The following OR1J2 variants were observed in gnomAD, a reference collection of about 807,000 sequenced individuals.
The protein encoded by OR1J2 is olfactory receptor 1J2.
For missense variants in OR1J2, 304 were observed against 246.1 expected, an observed-to-expected ratio of 1.24 and a Z score of -1.57; for synonymous variants, 142 against 99.7, an observed-to-expected ratio of 1.42 and a Z score of -2.52.
chr9:122,478,467 A>T, the OR1J2 span, among the ~76,000 whole-genome samples: 1 of 152,186 alleles, frequency 6.6e-6, no homozygotes, highest in African/African-American at 2.4e-5. Flanking sequence ...GCTTGTCTAC[A>T]CAGTGCATGA....
the OR1J2 span, among the ~76,000 whole-genome samples, chr9:122,536,582 G>A: frequency 1.3e-3 from 192 of 152,272 alleles, 1 homozygote; most frequent in African/African-American, 4.4e-3. Flanking sequence ...TAGGCCCCTG[G>A]CTTCCCTTTT....
chr9:122,451,644 C>T, the OR1J2 span, among the ~76,000 whole-genome samples: 1 of 152,174 alleles, frequency 6.6e-6, no homozygotes, highest in Non-Finnish European at 1.5e-5. Context: ...ATTCTGGCAA[C>T]CATTTTCATT....
At chr9:122,578,824 G>A in the OR1J2 span, among the ~76,000 whole-genome samples, 1 of 152,022 alleles carries the variant, frequency 6.6e-6, no homozygotes, top group Admixed American at 6.6e-5. Flanking sequence ...GAGAAGGTGA[G>A]AAATAAAAGA....
At chr9:122,462,779 C>T in the OR1J2 span, among the ~76,000 whole-genome samples, 2,798 of 152,294 alleles carry the variant, frequency 0.018, 37 homozygotes, top group South Asian at 0.03. Flanking sequence ...AGGGTTTCTT[C>T]TGAGAAATCT....
the OR1J2 span, among the ~76,000 whole-genome samples, chr9:122,547,645 G>GTGTGTGTT: frequency 1.3e-5 from 2 of 151,856 alleles, no homozygotes; most frequent in African/African-American, 4.8e-5. Context: ...GTGTGTGTGT[G>GTGTGTGTT]TGTGTGTGTG....
the OR1J2 span, among the ~76,000 whole-genome samples, chr9:122,472,624 A>G: frequency 6.6e-6 from 1 of 152,366 alleles, no homozygotes; most frequent in South Asian, 2.1e-4. Flanking sequence ...AAATGCTTCA[A>G]TATTATAAAG....
the OR1J2 span, among the ~76,000 whole-genome samples, chr9:122,450,317 G>C: frequency 6.6e-6 from 1 of 152,062 alleles, no homozygotes; most frequent in Non-Finnish European, 1.5e-5. Context: ...TGTAGTCCCA[G>C]CTACTAGGGC....
At chr9:122,570,155 T>C in the OR1J2 span, among the ~76,000 whole-genome samples, 1 of 149,716 alleles carries the variant, frequency 6.7e-6, no homozygotes, top group Non-Finnish European at 1.5e-5. Flanking sequence ...TGCATGTGTC[T>C]TTATAGCAGC....
chr9:122,460,482 A>G, the OR1J2 span, among the ~76,000 whole-genome samples: 1 of 152,016 alleles, frequency 6.6e-6, no homozygotes, highest in African/African-American at 2.4e-5. Context: ...GCCTGTTTTT[A>G]TACCAGTACC....
At chr9:122,480,489 T>C in the OR1J2 span, among the ~76,000 whole-genome samples, 7 of 152,284 alleles carry the variant, frequency 4.6e-5, no homozygotes, top group East Asian at 3.9e-4. Flanking sequence ...AAGTGCAGGT[T>C]TGTTACGTAG....
chr9:122,481,465 A>G, the OR1J2 span, among the ~76,000 whole-genome samples: 2 of 152,214 alleles, frequency 1.3e-5, no homozygotes, highest in Non-Finnish European at 2.9e-5. Context: ...CCGGACACAT[A>G]GAGAACTCCT....
the OR1J2 span, chr9:122,567,723 A>G: frequency 6.2e-7 from 1 of 1,614,076 alleles, no homozygotes; most frequent in Admixed American, 1.7e-5. Context: ...GCTTCCATAA[A>G]AGAGCGTCAC....
chr9:122,580,170 G>GA, the OR1J2 span, among the ~76,000 whole-genome samples: 748 of 147,930 alleles, frequency 5.1e-3, 8 homozygotes, highest in African/African-American at 0.017. Flanking sequence ...ATCTGCTGCA[G>GA]AAAAAAAAAA....
chr9:122,505,208 A>G, the OR1J2 span, among the ~76,000 whole-genome samples: 1 of 152,152 alleles, frequency 6.6e-6, no homozygotes, highest in Admixed American at 6.5e-5. Flanking sequence ...TTATAAAGAA[A>G]AAGAATTTAT....
chr9:122,513,067 G>T (rs757466727), downstream of OR1J2, among the ~76,000 whole-genome samples: 1 of 152,042 alleles, frequency 6.6e-6, no homozygotes, highest in Non-Finnish European at 1.5e-5. Context: ...ATGTTAAATG[G>T]TGTCATTCAT....
At chr9:122,487,959 T>C in the OR1J2 span, among the ~76,000 whole-genome samples, 1 of 152,228 alleles carries the variant, frequency 6.6e-6, no homozygotes, top group African/African-American at 2.4e-5. Context: ...ATAGTATTTT[T>C]CCCATTTATT....
At chr9:122,519,720 C>G in the OR1J2 span, 1 of 1,614,126 alleles carries the variant, frequency 6.2e-7, no homozygotes, top group Non-Finnish European at 8.5e-7. Context: ...AGACATCTCC[C>G]TCAATGAGCT....
At chr9:122,568,186 A>C in the OR1J2 span, 1 of 1,614,218 alleles carries the variant, frequency 6.2e-7, no homozygotes, top group Non-Finnish European at 8.5e-7. Flanking sequence ...TGTGTCAGAC[A>C]CCCAGCATAG....
At chr9:122,541,392 A>T in the OR1J2 span, among the ~76,000 whole-genome samples, 2 of 152,180 alleles carry the variant, frequency 1.3e-5, no homozygotes, top group East Asian at 3.8e-4. Context: ...AAGAAGAAAG[A>T]GATGATAGCT....
Sources: allele counts gnomAD v4.1 joint callset (sites outside exome capture counted in the v4.1 genomes callset), GRCh38; gene constraint gnomAD v4.1.1; transcripts MANE v1.5; gene names NCBI Gene and HGNC (gene_info 2026-07-23, HGNC 2026-07-21).